Variants in BCKDHB observed in about 807,000 individuals in gnomAD.
BCKDHB encodes 2-oxoisovalerate dehydrogenase subunit beta, mitochondrial.
Under a neutral mutation model 48.5 loss-of-function variants are expected in BCKDHB, and 41 were observed. The observed-to-expected ratio is 0.85, with a 90% CI of 0.66 to 1.10. BCKDHB has a LOEUF of 1.10. BCKDHB is among the 50% of genes least tolerant of loss of function. BCKDHB has a pLI of 0.00. For synonymous variants in BCKDHB, 201 were observed against 174.8 expected (o/e 1.15, Z -1.18); for missense variants, 496 against 494.2 (o/e 1.00, Z -0.03).
At chr6:80,461,234 C>T in the BCKDHB span, among the ~76,000 whole-genome samples, 22 of 152,144 alleles carry the variant, frequency 1.4e-4, no homozygotes, top group Non-Finnish European at 2.6e-4. Flanking sequence ...CCTGCTTCTC[C>T]TATTCTTCCT....
chr6:80,354,147 C>G, the BCKDHB span, among the ~76,000 whole-genome samples: 1 of 152,064 alleles, frequency 6.6e-6, no homozygotes, highest in African/African-American at 2.4e-5. Context: ...TCTATTCACC[C>G]TATTGATCAT....
At chr6:80,244,416 A>T (rs1027857865) in intron 8 of BCKDHB, among the ~76,000 whole-genome samples, 2 of 152,372 alleles carry the variant, frequency 1.3e-5, no homozygotes, top group East Asian at 3.9e-4. Context: ...ATTCTAAAAG[A>T]GGTTGCTCAT....
intron 8 of BCKDHB, among the ~76,000 whole-genome samples, chr6:80,217,192 G>A (rs1312884038): frequency 6.6e-6 from 1 of 152,034 alleles, no homozygotes; most frequent in African/African-American, 2.4e-5. Context: ...AGTGAGCCGA[G>A]ACTGTGCCAT....
At chr6:80,185,198 T>C (rs1301168495) in intron 6 of BCKDHB, among the ~76,000 whole-genome samples, 3 of 152,128 alleles carry the variant, frequency 2.0e-5, no homozygotes, top group Non-Finnish European at 4.4e-5. Context: ...CTACTTGTTA[T>C]AGTCTATTGT....
At chr6:80,351,527 C>T in the BCKDHB span, among the ~76,000 whole-genome samples, 6 of 151,850 alleles carry the variant, frequency 4.0e-5, no homozygotes, top group African/African-American at 2.4e-5. Context: ...ACTGGGCAGT[C>T]GTAGGACACC....
the BCKDHB span, among the ~76,000 whole-genome samples, chr6:80,413,269 C>T: frequency 6.6e-6 from 1 of 152,096 alleles, no homozygotes; most frequent in Non-Finnish European, 1.5e-5. Context: ...AATTTAAGCT[C>T]ACCGTAAGTA....
chr6:80,245,325 C>A (rs75915182), intron 8 of BCKDHB, among the ~76,000 whole-genome samples: 5,570 of 151,736 alleles, frequency 0.037, 328 homozygotes, highest in African/African-American at 0.13. Context: ...GAAAAAACGA[C>A]CTTAGGGGGA....
the BCKDHB span, among the ~76,000 whole-genome samples, chr6:80,382,585 C>A: frequency 1.3e-4 from 20 of 152,274 alleles, no homozygotes; most frequent in Non-Finnish European, 2.8e-4. Context: ...ACCTGCACCT[C>A]CTATAACTAC....
intron 9 of BCKDHB, among the ~76,000 whole-genome samples, chr6:80,328,401 A>G (rs77616410): frequency 0.011 from 1,686 of 152,320 alleles, 35 homozygotes; most frequent in African/African-American, 0.039. Flanking sequence ...GATTCAGGAC[A>G]AGGACTCTCG....
chr6:80,277,964 A>AT (rs1220849181), intron 9 of BCKDHB, among the ~76,000 whole-genome samples: 1 of 151,956 alleles, frequency 6.6e-6, no homozygotes, highest in Non-Finnish European at 1.5e-5. Context: ...ATGGAGAAGG[A>AT]TTTTTTCTTA....
the BCKDHB span, chr6:80,462,853 T>C: frequency 5.9e-5 from 9 of 152,212 alleles, no homozygotes; most frequent in Admixed American, 3.9e-4. Context: ...AAATGAAGCT[T>C]GAAATTATTT....
intron 9 of BCKDHB, among the ~76,000 whole-genome samples, chr6:80,323,350 TTTAA>T (rs1382923239): frequency 1.3e-5 from 2 of 152,358 alleles, no homozygotes; most frequent in East Asian, 1.9e-4. Flanking sequence ...CTTTTGTTTT[TTTAA>T]TTATCAATTT....
chr6:80,207,799 A>G (rs897012426), intron 8 of BCKDHB, among the ~76,000 whole-genome samples: 3 of 151,844 alleles, frequency 2.0e-5, no homozygotes, highest in Non-Finnish European at 3.0e-5. Context: ...CCTTAAATAT[A>G]TCATAATCCT....
chr6:80,430,192 G>T, the BCKDHB span, among the ~76,000 whole-genome samples: 1 of 152,188 alleles, frequency 6.6e-6, no homozygotes. Flanking sequence ...TGTTGAACCA[G>T]CCTTGCGTCC....
At chr6:80,439,739 A>G in the BCKDHB span, among the ~76,000 whole-genome samples, 228 of 152,338 alleles carry the variant, frequency 1.5e-3, 1 homozygote, top group Middle Eastern at 6.8e-3. Context: ...CACCAAATGT[A>G]TGCTCTACAG....
chr6:80,159,729 C>G (rs1772222644), intron 3 of BCKDHB, among the ~76,000 whole-genome samples: 1 of 152,174 alleles, frequency 6.6e-6, no homozygotes, highest in Non-Finnish European at 1.5e-5. Context: ...TTATTTCTGT[C>G]TCCCACTGTT....
chr6:80,409,682 C>T, the BCKDHB span, among the ~76,000 whole-genome samples: 593 of 131,604 alleles, frequency 4.5e-3, 3 homozygotes, highest in Middle Eastern at 0.018. Context: ...ATGTAATGGC[C>T]TTCTTTGTCT....
intron 5 of BCKDHB, 72 bp downstream of exon 5, chr6:80,169,102 A>G (rs993181254): frequency 1.6e-5 from 25 of 1,549,912 alleles, no homozygotes; most frequent in Non-Finnish European, 2.2e-5. Flanking sequence ...TTTAATATCT[A>G]TGCTTATCTA....
chr6:80,214,187 G>A (rs1419343457), intron 8 of BCKDHB, among the ~76,000 whole-genome samples: 1 of 152,124 alleles, frequency 6.6e-6, no homozygotes, highest in Non-Finnish European at 1.5e-5. Flanking sequence ...AATGGGGAAG[G>A]AGTCAAACCT....
Sources: gnomAD v4.1 joint callset for allele counts (sites outside exome capture counted in the v4.1 genomes callset) on GRCh38, gnomAD v4.1.1 for gene constraint, MANE v1.5 for transcripts, NCBI Gene and HGNC (gene_info 2026-07-23, HGNC 2026-07-21) for gene names.